The following ST6GALNAC6 variants were observed in gnomAD, a reference collection of about 807,000 sequenced individuals.
ST6GALNAC6 encodes ST6 N-acetylgalactosaminide alpha-2,6-sialyltransferase 6, also known as alpha-N-acetylgalactosaminide alpha-2,6-sialyltransferase 6.
In ST6GALNAC6, 19 loss-of-function variants were observed where a neutral mutation model predicts 34.3. The observed-to-expected ratio is 0.55, with a 90% confidence interval of 0.39 to 0.81. The LOEUF is 0.81. Ranked by LOEUF, ST6GALNAC6 falls within the 40% of genes least tolerant of loss-of-function variation. ST6GALNAC6 has a pLI of 0.00. For missense variants in ST6GALNAC6, 377 were observed against 467.7 expected (o/e 0.81, Z 1.79); for synonymous variants, 185 against 182.1 (o/e 1.02, Z -0.13).
chr9:127,898,016 A>C lies in ST6GALNAC6; in HGVS notation c.-29-6T>G. The C allele has an allele frequency of 7.7e-7, 1 of 1,300,200 alleles. No individual in the cohort carries two copies. The highest frequency in any genetic ancestry group is 1.8e-5 in the Admixed American group (1 of 54,276). 80.5% of individuals were successfully genotyped at this position (1,300,200 alleles called of 1,614,324 possible). On this transcript the variant is annotated splice_polypyrimidine_tract_variant and splice_region_variant and intron_variant, in intron 1 of 6. Coordinates refer to ENST00000373146, the MANE Select transcript of ST6GALNAC6 (RefSeq NM_013443.5). ...CTGAGCCTCAGTTTCCTCATCTGTG[A>C]AATGGGAACAATAAGAGTCGGTAAC...
upstream of ST6GALNAC6, chr9:127,906,056 C>T: frequency 1.0e-6 from 1 of 982,084 alleles, no homozygotes; most frequent in Non-Finnish European, 1.2e-6. Flanking sequence ...ACTTCTGGGT[C>T]CACCTGGCAC....
chr9:127,894,580 T>C lies in ST6GALNAC6; in HGVS notation c.229A>G (p.Ser77Gly). The change falls in exon 4 of 7, where the codon AGC (serine) becomes GGC (glycine). Residue 77 changes from serine to glycine, a missense_variant. Physicochemically the swap from Ser to Gly is moderately conservative, Grantham distance 56. Coordinates refer to ENST00000373146, the MANE Select transcript of ST6GALNAC6 (RefSeq NM_013443.5). ...VFHYGSLRGR[S>G]RRPVNLKKWS... Reference sequence around the variant, plus strand: ...TTCTTGAGGTTGACAGGTCGGCGGCTACGGCCCCGCAGGGAGCCGTAATGG... The same window carrying C: ...TTCTTGAGGTTGACAGGTCGGCGGCCACGGCCCCGCAGGGAGCCGTAATGG... 1 of 1,614,234 alleles carries C rather than the reference T, an allele frequency of 6.2e-7. No homozygotes were observed. The highest frequency in any genetic ancestry group is 1.3e-5 in the African/African-American group (1 of 75,068).
At chr9:127,898,263 T>G (rs1270247418) in intron 1 of ST6GALNAC6, among the ~76,000 whole-genome samples, 1 of 151,966 alleles carries the variant, frequency 6.6e-6, no homozygotes, top group Non-Finnish European at 1.5e-5. Flanking sequence ...CGTGGTGGCG[T>G]GCGCCTGTTG....
intron 4 of ST6GALNAC6, 36 bp from the exon 5 acceptor site, chr9:127,891,079 C>T (rs1462777368): frequency 6.2e-7 from 1 of 1,605,614 alleles, no homozygotes. Flanking sequence ...ATCACGGCCA[C>T]TCTGTGCTGG....
intron 3 of ST6GALNAC6, 98 bp downstream of exon 3, chr9:127,896,144 G>T: frequency 7.3e-7 from 1 of 1,374,828 alleles, no homozygotes; most frequent in Non-Finnish European, 1.0e-6. Flanking sequence ...GGGAAGAAGA[G>T]ACTCGTGGTG....
At chr9:127,900,871 C>T (rs1380335942), upstream of ST6GALNAC6, among the ~76,000 whole-genome samples, 2 of 149,782 alleles carry the variant, frequency 1.3e-5, no homozygotes, top group African/African-American at 2.5e-5. Flanking sequence ...GTAATCCCAG[C>T]TACTTGGGAG....
intron 4 of ST6GALNAC6, among the ~76,000 whole-genome samples, chr9:127,891,973 GA>G (rs1173288258): frequency 3.9e-5 from 6 of 151,988 alleles, no homozygotes; most frequent in African/African-American, 1.5e-4. Context: ...CCAACATGGA[GA>G]AACCCCATCT....
chr9:127,904,562 C>G (rs1159074197), upstream of ST6GALNAC6: 5 of 152,284 alleles, frequency 3.3e-5, no homozygotes, highest in African/African-American at 1.2e-4. Context: ...TCAAAGAAAC[C>G]AAGATCAAGG....
At position 127,887,594 on chromosome 9, in the gene ST6GALNAC6, G is replaced by C. The variant is rs776336175; in HGVS notation, c.705-3C>G. On this transcript the variant is annotated splice_polypyrimidine_tract_variant and splice_region_variant and intron_variant, in intron 5 of 6. Coordinates refer to ENST00000373146, the MANE Select transcript of ST6GALNAC6 (RefSeq NM_013443.5). Reference sequence around the variant, plus strand: ...TCAACCACGAATGAGACTTCTCCCTGGGGATGGAGAGGGGTCACGATGAGG... The same window carrying C: ...TCAACCACGAATGAGACTTCTCCCTCGGGATGGAGAGGGGTCACGATGAGG... 45 of 1,607,354 alleles carry C rather than the reference G, an allele frequency of 2.8e-5. No homozygotes were observed. The highest frequency in any genetic ancestry group is 3.7e-5 in the Non-Finnish European group (44 of 1,176,070).
chr9:127,894,385 C>T (rs1830321077), intron 4 of ST6GALNAC6, 127 bp downstream of exon 4: 2 of 1,210,238 alleles, frequency 1.7e-6, no homozygotes, highest in Non-Finnish European at 2.3e-6. Context: ...ACACAGCAAG[C>T]AGCAAGATGA....
upstream of ST6GALNAC6, chr9:127,899,640 T>A (rs904905460): frequency 1.0e-6 from 1 of 982,958 alleles, no homozygotes; most frequent in Admixed American, 6.2e-5. Flanking sequence ...AGCGCCGCCG[T>A]CACGGCCCGG....
intron 5 of ST6GALNAC6, among the ~76,000 whole-genome samples, chr9:127,889,882 T>C (rs182691862): frequency 1.2e-3 from 186 of 152,364 alleles, no homozygotes; most frequent in African/African-American, 4.1e-3. Context: ...ACAGGAGCTA[T>C]ATGTTGAACA....
intron 4 of ST6GALNAC6, among the ~76,000 whole-genome samples, chr9:127,892,417 G>A (rs1830203099): frequency 1.3e-5 from 2 of 152,220 alleles, no homozygotes; most frequent in African/African-American, 4.8e-5. Flanking sequence ...CTGAGACAGA[G>A]GCCTGGACTC....
chr9:127,896,277 G>A lies in ST6GALNAC6; in HGVS notation c.82C>T (p.Leu28Phe), dbSNP rs374270835. 6.2e-7 allele frequency: 1 copy of A among 1,614,162 alleles called. No individual in the cohort carries two copies. Among genetic ancestry groups the A allele is most frequent in the South Asian group, 1.1e-5 (1 of 91,080 alleles). ...CTCATTTCTCTCCGGCGTCTGCTGA[G>A]GGGTAGGTGTCGGCGTCCTGCAGGT... ...GPPAGRRHLP[L>F]SRRRREMSSN... Residue 28 changes from leucine to phenylalanine, a missense_variant, in exon 3 of 7, where the codon CTC (leucine) becomes TTC (phenylalanine). Physicochemically the swap from Leu to Phe is conservative, Grantham distance 22 (BLOSUM62 0). Transcript: ENST00000373146.
upstream of ST6GALNAC6, chr9:127,904,277 T>C (rs1489143924): frequency 1.3e-5 from 2 of 152,150 alleles, no homozygotes; most frequent in African/African-American, 4.8e-5. Context: ...CACGGAAGCC[T>C]TGGGTCTGTG....
At chr9:127,898,870 C>T (rs1417476127) in intron 1 of ST6GALNAC6, among the ~76,000 whole-genome samples, 1 of 152,202 alleles carries the variant, frequency 6.6e-6, no homozygotes, top group Non-Finnish European at 1.5e-5. Context: ...CTAGGGGTGC[C>T]GGCCTGTTGG....
At position 127,899,003 on chromosome 9, in the gene ST6GALNAC6, C is replaced by T. The variant is rs369826386; in HGVS notation, c.-30+500G>A. On this transcript the variant is annotated intron_variant, in intron 1 of 6. Transcript: ENST00000373146. Reference sequence around the variant, plus strand: ...AGCCGAGGGTGGGGGCCACACCCTGCCCTCTGTTTGGGGGCTTTCCTTCTT... The same window carrying T: ...AGCCGAGGGTGGGGGCCACACCCTGTCCTCTGTTTGGGGGCTTTCCTTCTT... 5.4e-4 allele frequency among the ~76,000 whole-genome samples: 83 copies of T among 152,340 alleles called. 1 individual carries two copies. The South Asian group carries it at 0.017, about 30-fold the overall frequency.
At chr9:127,896,447 C>A (rs1830460675) in intron 2 of ST6GALNAC6, 115 bp from the exon 3 acceptor site, 1 of 875,454 alleles carries the variant, frequency 1.1e-6, no homozygotes, top group South Asian at 1.7e-5. Flanking sequence ...CTTTAAGGCT[C>A]AGGACTGTAT....
At chr9:127,899,013 G>T (rs1830636470) in intron 1 of ST6GALNAC6, among the ~76,000 whole-genome samples, 1 of 152,220 alleles carries the variant, frequency 6.6e-6, no homozygotes, top group African/African-American at 2.4e-5. Context: ...CCCTCTGTTT[G>T]GGGGCTTTCC....
Sources: gnomAD v4.1 joint callset for allele counts (sites outside exome capture counted in the v4.1 genomes callset) on GRCh38, gnomAD v4.1.1 for gene constraint, MANE v1.5 for transcripts, NCBI Gene and HGNC (gene_info 2026-07-23, HGNC 2026-07-21) for gene names.